The following CCDC60 variants were observed in gnomAD, a reference collection of about 807,000 sequenced individuals.
CCDC60 encodes the protein coiled-coil domain-containing protein 60.
Under a neutral mutation model 63.5 loss-of-function variants are expected in CCDC60, and 54 were observed. The ratio of observed to expected loss-of-function variants is 0.85; its 90% CI spans 0.68 to 1.07. The LOEUF is 1.07. Among genes scored for constraint, CCDC60 ranks in the 50% least tolerant of loss-of-function variants. The pLI, the probability that CCDC60 is intolerant of heterozygous loss-of-function variation, is 0.00. For synonymous variants in CCDC60, 206 were observed against 238.8 expected (o/e 0.86, Z 1.27); for missense variants, 651 against 684.3 (o/e 0.95, Z 0.54).
intron 1 of CCDC60, among the ~76,000 whole-genome samples, chr12:119,380,596 T>G (rs1487506540): frequency 6.6e-6 from 1 of 152,240 alleles, no homozygotes; most frequent in African/African-American, 2.4e-5. Context: ...GATGGTGAAA[T>G]GATTTTTCAG....
intron 1 of CCDC60, among the ~76,000 whole-genome samples, chr12:119,340,102 A>C (rs1384632614): frequency 6.8e-6 from 1 of 147,046 alleles, no homozygotes; most frequent in Non-Finnish European, 1.5e-5. Flanking sequence ...TGTGCTGCTA[A>C]AAAAGAAAAC....
chr12:119,427,707 T>C (rs983742587), intron 1 of CCDC60, among the ~76,000 whole-genome samples: 1 of 152,090 alleles, frequency 6.6e-6, no homozygotes, highest in African/African-American at 2.4e-5. Flanking sequence ...CATTTTCCCA[T>C]AATTTCTAAG....
chr12:119,450,986 T>C (rs1950624598), intron 2 of CCDC60, among the ~76,000 whole-genome samples: 2 of 152,064 alleles, frequency 1.3e-5, no homozygotes, highest in African/African-American at 4.8e-5. Context: ...GAAAGAGGTC[T>C]GAGGCAGGGA....
At chr12:119,480,869 C>G (rs936089998) in intron 4 of CCDC60, among the ~76,000 whole-genome samples, 3 of 138,094 alleles carry the variant, frequency 2.2e-5, no homozygotes, top group Non-Finnish European at 4.7e-5. Flanking sequence ...GTCATCATCA[C>G]CATCACCATC....
chr12:119,521,503 T>C (rs1461937706), intron 9 of CCDC60, among the ~76,000 whole-genome samples: 1 of 152,028 alleles, frequency 6.6e-6, no homozygotes, highest in Admixed American at 6.6e-5. Context: ...CAAAGGAGAA[T>C]TGACTAGGCT....
intron 2 of CCDC60, among the ~76,000 whole-genome samples, chr12:119,467,267 T>C (rs1950970301): frequency 1.3e-5 from 2 of 152,372 alleles, no homozygotes; most frequent in South Asian, 2.1e-4. Context: ...AGCCCCAATT[T>C]TGGGCATGCC....
At chr12:119,414,315 G>A (rs904243148) in intron 1 of CCDC60, among the ~76,000 whole-genome samples, 3 of 152,022 alleles carry the variant, frequency 2.0e-5, no homozygotes, top group East Asian at 1.9e-4. Flanking sequence ...CACCACGCCC[G>A]GCCACTCTTG....
chr12:119,337,729 G>A (rs962090909), intron 1 of CCDC60, among the ~76,000 whole-genome samples: 1 of 152,048 alleles, frequency 6.6e-6, no homozygotes, highest in African/African-American at 2.4e-5. Flanking sequence ...TATAATGCAG[G>A]TTGATTAATG....
At chr12:119,414,470 G>C (rs939753278) in intron 1 of CCDC60, among the ~76,000 whole-genome samples, 1 of 152,200 alleles carries the variant, frequency 6.6e-6, no homozygotes, top group African/African-American at 2.4e-5. Flanking sequence ...CAGTTCAAAG[G>C]ATGGGAAGAC....
intron 1 of CCDC60, among the ~76,000 whole-genome samples, chr12:119,385,149 G>A (rs1415330184): frequency 2.0e-5 from 3 of 152,212 alleles, no homozygotes; most frequent in Non-Finnish European, 4.4e-5. Flanking sequence ...TTGAGGACAA[G>A]GACTGTGCTG....
chr12:119,491,325 GTTTGTT>G (rs892646553), intron 5 of CCDC60, among the ~76,000 whole-genome samples: 9 of 151,936 alleles, frequency 5.9e-5, no homozygotes, highest in South Asian at 4.1e-4. Flanking sequence ...TTGTTTGTTT[GTTTGTT>G]TTTGTTTTTG....
chr12:119,439,900 G>A (rs1950406589), intron 2 of CCDC60, among the ~76,000 whole-genome samples: 1 of 152,160 alleles, frequency 6.6e-6, no homozygotes, highest in Admixed American at 6.5e-5. Context: ...CTCCCAATGA[G>A]GGAAAAATAA....
intron 1 of CCDC60, among the ~76,000 whole-genome samples, chr12:119,360,168 C>G (rs369594699): frequency 0.14 from 19,492 of 138,486 alleles, 1,253 homozygotes; most frequent in South Asian, 0.33. Context: ...GGGGGCTGAC[C>G]CCCCCCCACC....
chr12:119,523,034 A>G lies in CCDC60; in HGVS notation c.1103+33A>G, dbSNP rs1473577855. On this transcript the variant is annotated intron_variant, in intron 10 of 13. Coordinates refer to ENST00000327554, the MANE Select transcript of CCDC60 (RefSeq NM_178499.5). ...AGGAGGGCAATGGAAGGAACCACGC[A>G]AGAGGGAATATGGTGACCACACCCT... The G allele has an allele frequency of 3.8e-6, 6 of 1,582,298 alleles. No homozygotes were observed. In the African/African-American group the frequency reaches 8.1e-5, roughly 21 times the overall value.
intron 2 of CCDC60, among the ~76,000 whole-genome samples, chr12:119,461,935 C>T (rs961445271): frequency 6.6e-6 from 1 of 152,204 alleles, no homozygotes; most frequent in Admixed American, 6.5e-5. Flanking sequence ...CAAGGGAGCA[C>T]TTCCCAAGCT....
At chr12:119,343,324 T>C (rs952795568) in intron 1 of CCDC60, among the ~76,000 whole-genome samples, 3 of 152,162 alleles carry the variant, frequency 2.0e-5, no homozygotes, top group Non-Finnish European at 2.9e-5. Context: ...GCTTGCAAGC[T>C]TGGAAATGCC....
intron 1 of CCDC60, among the ~76,000 whole-genome samples, chr12:119,349,062 G>A (rs1592981447): frequency 6.6e-6 from 1 of 152,122 alleles, no homozygotes; most frequent in Admixed American, 6.6e-5. Flanking sequence ...TACAGATGAG[G>A]AAGCCTGTCA....
intron 5 of CCDC60, among the ~76,000 whole-genome samples, chr12:119,499,627 C>T (rs946765049): frequency 1.3e-5 from 2 of 152,130 alleles, no homozygotes; most frequent in Admixed American, 1.3e-4. Context: ...TGCAATCCAC[C>T]CCCATCAGCC....
chr12:119,434,392 A>C (rs1328915263), intron 2 of CCDC60, among the ~76,000 whole-genome samples: 1 of 152,128 alleles, frequency 6.6e-6, no homozygotes, highest in East Asian at 1.9e-4. Context: ...CCAGGTGTAC[A>C]CCAGGCATTG....
Sources: allele counts gnomAD v4.1 joint callset (sites outside exome capture counted in the v4.1 genomes callset), GRCh38; gene constraint gnomAD v4.1.1; transcripts MANE v1.5; gene names NCBI Gene and HGNC (gene_info 2026-07-23, HGNC 2026-07-21).